The following UTP6 variants were observed in gnomAD, a reference collection of about 807,000 sequenced individuals.
UTP6 encodes the protein UTP6 small subunit processome component, also known as U3 small nucleolar RNA-associated protein 6 homolog.
In UTP6, 60 loss-of-function variants were observed where a neutral mutation model predicts 96.5. The observed-to-expected ratio is 0.62, with a 90% CI of 0.51 to 0.77. UTP6 has a LOEUF of 0.77. Ranked by LOEUF, UTP6 falls within the 30% of genes least tolerant of loss-of-function variation. The pLI is 0.00. For missense variants in UTP6, 637 were observed against 706.5 expected (o/e 0.90, Z 1.12); for synonymous variants, 215 against 240.1 (o/e 0.90, Z 0.96).
intron 18 of UTP6, among the ~76,000 whole-genome samples, chr17:31,864,377 ACT>A (rs1909700143): frequency 6.6e-6 from 1 of 152,086 alleles, no homozygotes. Flanking sequence ...ACAGAGTGAG[ACT>A]CTGTCTCAAA....
chr17:31,864,226 A>G (rs1909690748), intron 18 of UTP6, among the ~76,000 whole-genome samples: 1 of 152,074 alleles, frequency 6.6e-6, no homozygotes, highest in Non-Finnish European at 1.5e-5. Context: ...CTCGACTGAA[A>G]ATACAAAAAT....
Position 31,892,256 on chromosome 17 carries a change from A to C in UTP6, c.424+4T>G. The C allele has an allele frequency of 6.2e-7, 1 of 1,614,050 alleles. No individual in the cohort carries two copies. Among genetic ancestry groups the C allele is most frequent in the South Asian group, 1.1e-5 (1 of 91,074 alleles). On this transcript the variant is annotated splice_donor_region_variant and intron_variant, in intron 6 of 18. Transcript: ENST00000261708. ...TAGAAAAATTGACAAAGATTTCACC[A>C]TACCTGGTTTGTTGGAATGAATCGC...
At chr17:31,868,227 C>A in intron 16 of UTP6, 115 bp from the exon 17 acceptor site, 1 of 864,400 alleles carries the variant, frequency 1.2e-6, no homozygotes, top group Non-Finnish European at 1.7e-6. Context: ...AAAGACTTGA[C>A]TTCAAATCAA....
intron 1 of UTP6, chr17:31,901,238 C>G: frequency 2.5e-6 from 1 of 395,546 alleles, no homozygotes. Context: ...CTGTCTCCCC[C>G]ACCACACTCT....
chr17:31,896,564 TTA>T (rs1454511145), intron 2 of UTP6, among the ~76,000 whole-genome samples: 25 of 152,236 alleles, frequency 1.6e-4, no homozygotes, highest in African/African-American at 5.8e-4. Flanking sequence ...GTAGTTCTAA[TTA>T]TGTGTTGTAA....
At position 31,863,376 on chromosome 17, in the gene UTP6, G is replaced by A; in HGVS notation, c.1777C>T (p.Gln593Ter). 1 of 1,613,740 alleles carries A rather than the reference G, an allele frequency of 6.2e-7. No homozygotes were observed. Among genetic ancestry groups the A allele is most frequent in the African/African-American group, 1.3e-5 (1 of 74,982 alleles). The change falls in exon 19 of 19, where the codon CAG (glutamine) becomes TAG (stop). Residue 593 changes from glutamine to a stop codon, truncating the protein, a stop_gained. Coordinates refer to ENST00000261708, the MANE Select transcript of UTP6 (RefSeq NM_018428.3). LOFTEE classifies it high-confidence loss of function. Reference sequence around the variant, plus strand: ...CTTCATCTTCATAAATGGCCAGTCTGATGCATAGCATGTTTAGCTACAAAT... The same window carrying A: ...CTTCATCTTCATAAATGGCCAGTCTAATGCATAGCATGTTTAGCTACAAAT... ...EAFVAKHAMH[Q>*]TGHL
In UTP6 at chr17:31,880,359, T is replaced by C; in HGVS notation, c.967+214A>G. 1.6e-5 allele frequency: 8 copies of C among 510,244 alleles called. No homozygotes were observed. The South Asian group carries it at 1.7e-4, about 11-fold the overall frequency. 31.6% of individuals were successfully genotyped at this position (510,244 alleles called of 1,614,324 possible). On this transcript the variant is annotated intron_variant, in intron 11 of 18. Transcript: ENST00000261708. ...TTGCTTGAACCCGGGAGGTGGAGGTTGCAGTGAGCCGAAATCGAGCCACTG... is the reference window on the plus strand; with the variant it reads ...TTGCTTGAACCCGGGAGGTGGAGGTCGCAGTGAGCCGAAATCGAGCCACTG...
At chr17:31,890,154 G>A (rs1364289060) in intron 6 of UTP6, among the ~76,000 whole-genome samples, 4 of 151,808 alleles carry the variant, frequency 2.6e-5, no homozygotes, top group East Asian at 2.0e-4. Flanking sequence ...ACACCATCAC[G>A]CCCACCTAAA....
chr17:31,881,958 T>G (rs1044475568), intron 10 of UTP6, among the ~76,000 whole-genome samples: 1 of 152,184 alleles, frequency 6.6e-6, no homozygotes, highest in Non-Finnish European at 1.5e-5. Context: ...GTGTTGGGAT[T>G]ACAGCCCCTG....
intron 9 of UTP6, among the ~76,000 whole-genome samples, chr17:31,885,491 T>C (rs139915485): frequency 6.6e-6 from 1 of 151,182 alleles, no homozygotes; most frequent in East Asian, 2.0e-4. Flanking sequence ...AGAATATAAA[T>C]TTTAAAAAGA....
At chr17:31,880,477 C>T (rs1910760092) in intron 11 of UTP6, 96 bp downstream of exon 11, 1 of 1,460,792 alleles carries the variant, frequency 6.8e-7, no homozygotes, top group East Asian at 2.3e-5. Context: ...ACAGAGACAT[C>T]CCCAATATTG....
Position 31,862,970 on chromosome 17 carries a change from A to G in UTP6, c.*389T>C, listed in dbSNP as rs951244218. On this transcript the variant is annotated 3_prime_UTR_variant, in exon 19 of 19. Transcript: ENST00000261708. ...AAAAAAACCCAGTCGTATGCTATCC[A>G]TGTATTTTGGGAAACATTTAGGACC... is the stretch of plus-strand genomic sequence containing the variant. 1.2e-5 allele frequency: 2 copies of G among 168,798 alleles called. No homozygotes were observed. Among genetic ancestry groups the G allele is most frequent in the Admixed American group, 1.1e-4 (2 of 17,472 alleles). 10.5% of individuals were successfully genotyped at this position (168,798 alleles called of 1,614,324 possible).
At chr17:31,878,836 C>T in intron 11 of UTP6, 55 bp from the exon 12 acceptor site, 5 of 1,500,608 alleles carry the variant, frequency 3.3e-6, no homozygotes, top group Non-Finnish European at 4.6e-6. Flanking sequence ...ACATTCATCA[C>T]ATCAAAGTTA....
In UTP6 at chr17:31,884,494, G is replaced by T; in HGVS notation, c.715C>A (p.His239Asn). 1 of 1,611,290 alleles carries T rather than the reference G, an allele frequency of 6.2e-7. No homozygotes were observed. The highest frequency in any genetic ancestry group is 8.5e-7 in the Non-Finnish European group (1 of 1,178,900). The change falls in exon 10 of 19, where the codon CAC becomes AAC. Residue 239 changes from histidine to asparagine, a missense_variant. Coordinates refer to ENST00000261708, the MANE Select transcript of UTP6 (RefSeq NM_018428.3). ...TGTGCAATCGAAAGCAGTGACACGT[G>T]AAATTCTGCACCTAAATTTAAAAAG... ...SVSIIKGAEF[H>N]VSLLSIAQLF...
chr17:31,870,454 A>T lies in UTP6; in HGVS notation c.1497-2342T>A, dbSNP rs554103255. Among the ~76,000 whole-genome samples the T allele has an allele frequency of 3.3e-5, 5 of 151,354 alleles. No homozygotes were observed. In the East Asian group the frequency reaches 5.8e-4, roughly 17 times the overall value. On this transcript the variant is annotated intron_variant, in intron 16 of 18. Transcript: ENST00000261708. ...TTTCACATGTATGCTGGCTGCCTTC[A>T]ATACAGCTATTATGTTTGTTTTGTT...
chr17:31,898,058 T>C (rs919036089), intron 2 of UTP6, among the ~76,000 whole-genome samples: 11 of 151,590 alleles, frequency 7.3e-5, no homozygotes, highest in African/African-American at 2.2e-4. Context: ...TCTCTGACAA[T>C]CTCTGATCTA....
intron 10 of UTP6, among the ~76,000 whole-genome samples, chr17:31,881,117 A>G (rs1910808816): frequency 6.6e-6 from 1 of 151,928 alleles, no homozygotes; most frequent in African/African-American, 2.4e-5. Context: ...CAGAAGTTGC[A>G]GTGAGTCGAG....
rs762947412 is a variant in UTP6 at position 31,868,120 on chromosome 17, G to C, written c.1497-8C>G. 6.2e-7 allele frequency: 1 copy of C among 1,610,284 alleles called. No homozygotes were observed. The highest frequency in any genetic ancestry group is 8.5e-7 in the Non-Finnish European group (1 of 1,178,210). ...GGTCGGCTCTCCTGTAAACTAAAAA[G>C]GAAGGAGAAAACGTTATCTTCAACA... On this transcript the variant is annotated splice_polypyrimidine_tract_variant and splice_region_variant and intron_variant, in intron 16 of 18. Coordinates refer to ENST00000261708, the MANE Select transcript of UTP6 (RefSeq NM_018428.3).
chr17:31,875,820 C>CAAA (rs1012799437), intron 13 of UTP6, among the ~76,000 whole-genome samples: 3 of 65,806 alleles, frequency 4.6e-5, no homozygotes, highest in African/African-American at 1.2e-4. Flanking sequence ...AACTCTATCT[C>CAAA]AAAAAAAAAA....
Sources: gnomAD v4.1 joint callset for allele counts (sites outside exome capture counted in the v4.1 genomes callset) on GRCh38, gnomAD v4.1.1 for gene constraint, MANE v1.5 for transcripts, NCBI Gene and HGNC (gene_info 2026-07-23, HGNC 2026-07-21) for gene names.